MTUS2: variants seen among roughly 807,000 people sequenced by gnomAD.
The protein encoded by MTUS2 is microtubule associated scaffold protein 2, also known as microtubule-associated tumor suppressor candidate 2.
Under a neutral mutation model 114.1 loss-of-function variants are expected in MTUS2, and 40 were observed. The ratio of observed to expected loss-of-function variants is 0.35; its 90% confidence interval spans 0.27 to 0.46. MTUS2 has a LOEUF of 0.46. Among genes scored for constraint, MTUS2 ranks in the 20% least tolerant of loss-of-function variants. The pLI, the probability that MTUS2 is intolerant of heterozygous loss-of-function variation, is 1.00. For synonymous variants in MTUS2, 688 were observed against 672.0 expected (o/e 1.02, Z -0.37); for missense variants, 1,679 against 1,705.4 (o/e 0.98, Z 0.27).
chr13:29,188,409 T>C (rs1894310621), intron 5 of MTUS2, among the ~76,000 whole-genome samples: 1 of 152,230 alleles, frequency 6.6e-6, no homozygotes, highest in South Asian at 2.1e-4. Flanking sequence ...GGCCTCTGCA[T>C]ATCAATCCCT....
At chr13:28,824,667 CTT>C (rs77109338) in intron 1 of MTUS2, among the ~76,000 whole-genome samples, 45 of 140,810 alleles carry the variant, frequency 3.2e-4, no homozygotes, top group Admixed American at 5.1e-4. Flanking sequence ...CAGTGTCTAG[CTT>C]TTTTTTTTTT....
chr13:29,021,923 C>T (rs549601925), intron 2 of MTUS2, among the ~76,000 whole-genome samples: 1 of 152,256 alleles, frequency 6.6e-6, no homozygotes, highest in Admixed American at 6.5e-5. Flanking sequence ...CCAGGGGGTG[C>T]TACTGGCTTA....
chr13:29,354,421 A>C (rs1869564922), intron 7 of MTUS2, among the ~76,000 whole-genome samples: 1 of 152,134 alleles, frequency 6.6e-6, no homozygotes, highest in Non-Finnish European at 1.5e-5. Flanking sequence ...GATAAATAGC[A>C]CCTGTACTTC....
chr13:29,163,799 A>C (rs757556806), intron 5 of MTUS2, among the ~76,000 whole-genome samples: 1 of 152,156 alleles, frequency 6.6e-6, no homozygotes, highest in Non-Finnish European at 1.5e-5. Flanking sequence ...CCTATGCATG[A>C]GACACTTTTT....
At chr13:29,387,125 AC>A (rs1872680733) in intron 8 of MTUS2, among the ~76,000 whole-genome samples, 1 of 152,184 alleles carries the variant, frequency 6.6e-6, no homozygotes, top group Non-Finnish European at 1.5e-5. Context: ...TTTACATATA[AC>A]CTGAAAGATA....
At chr13:29,164,273 C>T (rs929158390) in intron 5 of MTUS2, among the ~76,000 whole-genome samples, 3 of 152,222 alleles carry the variant, frequency 2.0e-5, no homozygotes, top group Admixed American at 6.5e-5. Flanking sequence ...CCTTTCCAGG[C>T]TCCAGTCAGC....
intron 5 of MTUS2, among the ~76,000 whole-genome samples, chr13:29,236,582 A>G (rs117108886): frequency 2.6e-5 from 4 of 152,360 alleles, no homozygotes; most frequent in South Asian, 2.1e-4. Context: ...CCCAAATCCA[A>G]TTCAGTATTA....
chr13:29,464,736 A>C (rs1879766722), intron 9 of MTUS2, among the ~76,000 whole-genome samples: 1 of 152,068 alleles, frequency 6.6e-6, no homozygotes, highest in South Asian at 2.1e-4. Context: ...GATAATTGGT[A>C]TTGCAGCTTA....
At chr13:29,379,975 G>A (rs1336224063) in intron 8 of MTUS2, among the ~76,000 whole-genome samples, 1 of 152,188 alleles carries the variant, frequency 6.6e-6, no homozygotes, top group African/African-American at 2.4e-5. Flanking sequence ...TGGTGTGAGT[G>A]TTTTTTGACT....
intron 7 of MTUS2, among the ~76,000 whole-genome samples, chr13:29,329,859 C>A (rs1593309917): frequency 6.6e-6 from 1 of 152,018 alleles, no homozygotes; most frequent in African/African-American, 2.4e-5. Flanking sequence ...GGTGATCCAC[C>A]CATCTCAGCC....
At chr13:28,852,445 C>T (rs2138034048) in intron 2 of MTUS2, among the ~76,000 whole-genome samples, 1 of 152,266 alleles carries the variant, frequency 6.6e-6, no homozygotes, top group Non-Finnish European at 1.5e-5. Flanking sequence ...CATGGTGGGA[C>T]AGTAGCTGGG....
At position 28,841,538 on chromosome 13, in the gene MTUS2, G is replaced by A. The variant is rs76051068; in HGVS notation, c.-243+1688G>A. 8.6e-3 allele frequency among the ~76,000 whole-genome samples: 1,313 copies of A among 152,168 alleles called. 18 individuals are homozygous for A. The highest frequency in any genetic ancestry group is 0.03 in the African/African-American group (1,254 of 41,548). On this transcript the variant is annotated intron_variant, in intron 2 of 15. Coordinates refer to ENST00000612955, the MANE Select transcript of MTUS2 (RefSeq NM_001033602.4). ...GGAAGAGATGACATGTGGAAAAGAT[G>A]CCATGCTGTGGACACAAAGTATGTG...
chr13:29,433,850 G>A (rs767896115), intron 8 of MTUS2, among the ~76,000 whole-genome samples: 1 of 152,096 alleles, frequency 6.6e-6, no homozygotes, highest in Non-Finnish European at 1.5e-5. Context: ...TAACCTTTTT[G>A]CAATTTAGTG....
intron 7 of MTUS2, among the ~76,000 whole-genome samples, chr13:29,338,315 G>A (rs9508369): frequency 0.19 from 28,656 of 151,844 alleles, 2,796 homozygotes; most frequent in Middle Eastern, 0.22. Context: ...AGCCAGAGGC[G>A]GTGGCTCACA....
At chr13:29,410,416 C>T (rs1287168166) in intron 8 of MTUS2, among the ~76,000 whole-genome samples, 2 of 152,162 alleles carry the variant, frequency 1.3e-5, no homozygotes, top group Non-Finnish European at 2.9e-5. Flanking sequence ...CGTGAGCCAC[C>T]GCGCCCAGGC....
At chr13:28,976,203 C>CAAAAAAAAAAAAAAAAAAAAAA (rs71090215) in intron 2 of MTUS2, among the ~76,000 whole-genome samples, 1 of 90,160 alleles carries the variant, frequency 1.1e-5, no homozygotes, top group Non-Finnish European at 2.2e-5. Context: ...GACCTTGTCT[C>CAAAAAAAAAAAAAAAAAAAAAA]AAAAAAAAAA....
intron 6 of MTUS2, among the ~76,000 whole-genome samples, chr13:29,324,246 T>G (rs748137681): frequency 6.6e-6 from 1 of 152,136 alleles, no homozygotes. Context: ...TTCTGAAAAT[T>G]TGTTATGGCA....
intron 6 of MTUS2, among the ~76,000 whole-genome samples, chr13:29,296,380 A>T (rs949290897): frequency 7.2e-5 from 11 of 151,836 alleles, no homozygotes; most frequent in African/African-American, 2.7e-4. Flanking sequence ...AATTAAAAAA[A>T]ATTTTTTTTT....
At chr13:29,481,834 G>A (rs1449680078) in intron 10 of MTUS2, among the ~76,000 whole-genome samples, 1 of 152,138 alleles carries the variant, frequency 6.6e-6, no homozygotes. Context: ...TGTTTGAGGT[G>A]GGTTAGACCA....
Sources: allele counts gnomAD v4.1 joint callset (sites outside exome capture counted in the v4.1 genomes callset), GRCh38; gene constraint gnomAD v4.1.1; transcripts MANE v1.5; gene names NCBI Gene and HGNC (gene_info 2026-07-23, HGNC 2026-07-21).